The following FAM117B variants were observed in gnomAD, a reference collection of about 807,000 sequenced individuals.
The protein encoded by FAM117B is protein FAM117B.
In FAM117B, 22 loss-of-function variants were observed where a neutral mutation model predicts 52.8. That is an observed-to-expected ratio of 0.42 (90% CI 0.30 to 0.59). The LOEUF is 0.59. Ranked by LOEUF, FAM117B falls within the 20% of genes least tolerant of loss-of-function variation. The pLI is 0.22. For synonymous variants in FAM117B, 309 were observed against 324.1 expected (o/e 0.95, Z 0.50); for missense variants, 678 against 802.6 (o/e 0.84, Z 1.88).
chr2:202,709,880 A>G (rs750050139), intron 2 of FAM117B, among the ~76,000 whole-genome samples: 3 of 152,144 alleles, frequency 2.0e-5, no homozygotes, highest in Non-Finnish European at 2.9e-5. Context: ...CCCCAGCACC[A>G]TTTGTTGAAG....
intron 5 of FAM117B, 72 bp from the exon 6 acceptor site, chr2:202,757,141 T>C (rs370077691): frequency 7.7e-6 from 11 of 1,431,154 alleles, no homozygotes; most frequent in African/African-American, 4.3e-5. Flanking sequence ...ATGGGAAGGT[T>C]GACATTGGGT....
At chr2:202,689,466 G>A (rs1690590164) in intron 1 of FAM117B, among the ~76,000 whole-genome samples, 1 of 152,054 alleles carries the variant, frequency 6.6e-6, no homozygotes, top group African/African-American at 2.4e-5. Flanking sequence ...GTTAGCTCTG[G>A]ATGGTGGACT....
chr2:202,754,524 CA>C (rs1305896585), intron 4 of FAM117B, among the ~76,000 whole-genome samples: 1 of 152,068 alleles, frequency 6.6e-6, no homozygotes, highest in Non-Finnish European at 1.5e-5. Flanking sequence ...AAACCCCCCC[CA>C]GAATATAAAT....
In FAM117B at chr2:202,706,233, G is replaced by C. The variant is rs1001685821; in HGVS notation, c.753+10201G>C. On this transcript the variant is annotated intron_variant, in intron 2 of 7. Coordinates refer to ENST00000392238, the MANE Select transcript of FAM117B (RefSeq NM_173511.4). ...TTTGGTTTCTTTACGGCATAAACCA[G>C]TCATCTTTTGCTTTTAAAAGTCTTA... Among the ~76,000 whole-genome samples, 6 of 152,074 alleles carry C rather than the reference G, an allele frequency of 3.9e-5. No individual in the cohort carries two copies. In the South Asian group the frequency reaches 8.3e-4, roughly 21 times the overall value.
chr2:202,659,605 T>A (rs1422881863), intron 1 of FAM117B, among the ~76,000 whole-genome samples: 3 of 44,510 alleles, frequency 6.7e-5, no homozygotes, highest in Non-Finnish European at 1.5e-4. Context: ...GCCACCGTGC[T>A]TTTTTTTTTT....
intron 2 of FAM117B, among the ~76,000 whole-genome samples, chr2:202,705,778 T>A (rs746268346): frequency 3.9e-5 from 6 of 152,226 alleles, no homozygotes; most frequent in Non-Finnish European, 7.3e-5. Flanking sequence ...ATTAATTTGG[T>A]TTAAACTACC....
At chr2:202,640,752 G>A (rs1689758806) in intron 1 of FAM117B, among the ~76,000 whole-genome samples, 2 of 151,922 alleles carry the variant, frequency 1.3e-5, no homozygotes, top group Non-Finnish European at 2.9e-5. Context: ...TGGGACTACA[G>A]GTACATGCCA....
intron 4 of FAM117B, among the ~76,000 whole-genome samples, chr2:202,746,125 A>G (rs1458182386): frequency 6.6e-6 from 1 of 152,216 alleles, no homozygotes; most frequent in Non-Finnish European, 1.5e-5. Context: ...AGAATTTTTC[A>G]TCCAATAGCT....
intron 4 of FAM117B, among the ~76,000 whole-genome samples, chr2:202,735,787 T>TG (rs1445323780): frequency 7.9e-5 from 12 of 152,210 alleles, no homozygotes; most frequent in African/African-American, 2.9e-4. Flanking sequence ...ACAGTAGTTA[T>TG]GTTTTTTTTA....
At chr2:202,656,624 A>G (rs2105759307) in intron 1 of FAM117B, among the ~76,000 whole-genome samples, 1 of 152,210 alleles carries the variant, frequency 6.6e-6, no homozygotes, top group Non-Finnish European at 1.5e-5. Context: ...CCAGGATATG[A>G]TCTACTTTGA....
intron 1 of FAM117B, among the ~76,000 whole-genome samples, chr2:202,694,188 CTTTTTTTT>C (rs757843381): frequency 2.0e-5 from 2 of 99,098 alleles, no homozygotes; most frequent in African/African-American, 8.8e-5. Context: ...AAACCCACTT[CTTTTTTTT>C]TTTTTTTTTT....
chr2:202,681,477 G>A (rs571683088), intron 1 of FAM117B, among the ~76,000 whole-genome samples: 5 of 152,282 alleles, frequency 3.3e-5, no homozygotes, highest in South Asian at 4.1e-4. Context: ...AAAACTGAGC[G>A]TAGGAAAGCT....
At chr2:202,765,377 A>G (rs1691959236) in intron 7 of FAM117B, 69 bp from the exon 8 acceptor site, 4 of 1,321,934 alleles carry the variant, frequency 3.0e-6, no homozygotes, top group Non-Finnish European at 4.2e-6. Flanking sequence ...CTTGTTTCCA[A>G]GCTTTTTTTT....
intron 4 of FAM117B, among the ~76,000 whole-genome samples, chr2:202,747,467 C>A (rs1691651677): frequency 6.6e-6 from 1 of 151,888 alleles, no homozygotes; most frequent in South Asian, 2.1e-4. Context: ...AACTGGAAGA[C>A]AGAAAGTCAA....
intron 1 of FAM117B, 74 bp downstream of exon 1, chr2:202,635,862 C>G: frequency 7.6e-7 from 1 of 1,307,804 alleles, no homozygotes; most frequent in Non-Finnish European, 9.8e-7. Context: ...TGCAATCGCG[C>G]GGGGACTGCA....
chr2:202,725,268 A>G (rs960324606), intron 3 of FAM117B: 2 of 263,266 alleles, frequency 7.6e-6, no homozygotes, highest in Non-Finnish European at 1.4e-5. Context: ...AGATTTAAAA[A>G]TTGTAACAAT....
At chr2:202,759,147 G>GTAGT in intron 6 of FAM117B, 86 bp from the exon 7 acceptor site, 1 of 1,442,696 alleles carries the variant, frequency 6.9e-7, no homozygotes. Flanking sequence ...CTGCCCTCAA[G>GTAGT]TAGTTCATGG....
At chr2:202,653,254 T>A (rs912252769) in intron 1 of FAM117B, among the ~76,000 whole-genome samples, 1 of 152,052 alleles carries the variant, frequency 6.6e-6, no homozygotes, top group Admixed American at 6.6e-5. Flanking sequence ...GGCAACAGAG[T>A]AAGACCCTGT....
intron 4 of FAM117B, among the ~76,000 whole-genome samples, chr2:202,731,802 C>T (rs528580074): frequency 6.6e-6 from 1 of 151,442 alleles, no homozygotes; most frequent in South Asian, 2.1e-4. Flanking sequence ...ATGGCATGAT[C>T]TTGGCTCATT....
Sources: allele counts gnomAD v4.1 joint callset (sites outside exome capture counted in the v4.1 genomes callset), GRCh38; gene constraint gnomAD v4.1.1; transcripts MANE v1.5; gene names NCBI Gene and HGNC (gene_info 2026-07-23, HGNC 2026-07-21).